GNAT3: variants seen among roughly 807,000 people sequenced by gnomAD.
The protein encoded by GNAT3 is guanine nucleotide-binding protein G(t) subunit alpha-3.
GNAT3 carries 31 observed loss-of-function variants against 37.7 expected under a neutral mutation model. The observed-to-expected ratio is 0.82, with a 90% CI of 0.62 to 1.11. GNAT3 has a LOEUF of 1.11. Ranked by LOEUF, GNAT3 falls within the 50% of genes most tolerant of loss-of-function variation. GNAT3 has a pLI of 0.00. For synonymous variants in GNAT3, 138 were observed against 139.8 expected, an observed-to-expected ratio of 0.99 and a Z score of 0.09; for missense variants, 437 against 412.5, an observed-to-expected ratio of 1.06 and a Z score of -0.51.
chr7:80,463,592 T>C (rs1185702382), intron 5 of GNAT3, among the ~76,000 whole-genome samples: 3 of 151,966 alleles, frequency 2.0e-5, no homozygotes, highest in Non-Finnish European at 4.4e-5. Flanking sequence ...CCATTTACCT[T>C]CTATAGCATC....
At chr7:80,489,107 T>C (rs1161513448) in intron 2 of GNAT3, among the ~76,000 whole-genome samples, 1 of 152,118 alleles carries the variant, frequency 6.6e-6, no homozygotes, top group African/African-American at 2.4e-5. Flanking sequence ...CCTATCATGC[T>C]GAAAAATAGG....
At chr7:80,482,027 A>C (rs1046638793) in intron 3 of GNAT3, among the ~76,000 whole-genome samples, 6 of 152,162 alleles carry the variant, frequency 3.9e-5, no homozygotes, top group Admixed American at 3.9e-4. Context: ...AATGTATAAA[A>C]TCAGGCAATA....
intron 3 of GNAT3, among the ~76,000 whole-genome samples, chr7:80,479,929 A>G (rs1790365823): frequency 6.6e-6 from 1 of 152,116 alleles, no homozygotes; most frequent in South Asian, 2.1e-4. Flanking sequence ...TCAGTAGGAC[A>G]GAGGTGAGAG....
At chr7:80,459,341 G>A (rs1790010449) in intron 7 of GNAT3, among the ~76,000 whole-genome samples, 1 of 152,076 alleles carries the variant, frequency 6.6e-6, no homozygotes, top group African/African-American at 2.4e-5. Context: ...TTGAGGGTAG[G>A]GTCGGGAAAC....
At chr7:80,490,943 G>A (rs771140163) in intron 2 of GNAT3, among the ~76,000 whole-genome samples, 1 of 152,110 alleles carries the variant, frequency 6.6e-6, no homozygotes, top group African/African-American at 2.4e-5. Context: ...CAGGACAGGA[G>A]GATGAAGACA....
chr7:80,497,599 TAC>T (rs55772109), intron 1 of GNAT3, among the ~76,000 whole-genome samples: 3 of 119,910 alleles, frequency 2.5e-5, no homozygotes, highest in African/African-American at 1.4e-4. Flanking sequence ...TATACGTATA[TAC>T]ATATACGTAT....
Position 80,511,793 on chromosome 7 carries a change from A to G in GNAT3, c.118+16T>C. The G allele has an allele frequency of 4.5e-6, 7 of 1,541,788 alleles. No homozygotes were observed. Among genetic ancestry groups the G allele is most frequent in the Non-Finnish European group, 6.2e-6 (7 of 1,121,006 alleles). On this transcript the variant is annotated intron_variant, in intron 1 of 7. Coordinates refer to ENST00000398291, the MANE Select transcript of GNAT3 (RefSeq NM_001102386.3). The stretch of plus-strand genomic sequence containing the variant: ...AAAAAGTCAGGTTTTTGAAAGCAAA[A>G]GGGAAAAGAAATTACCTAATAGTAG...
intron 5 of GNAT3, among the ~76,000 whole-genome samples, chr7:80,463,797 G>A (rs1469246211): frequency 6.6e-6 from 1 of 150,562 alleles, no homozygotes; most frequent in Non-Finnish European, 1.5e-5. Context: ...GAATAGAGAG[G>A]CAGGAAACAC....
intron 7 of GNAT3, among the ~76,000 whole-genome samples, chr7:80,460,996 T>C (rs1045125109): frequency 1.4e-5 from 2 of 143,316 alleles, no homozygotes; most frequent in East Asian, 4.3e-4. Flanking sequence ...ATATAAAACC[T>C]TTAATTATGA....
At chr7:80,482,126 T>G (rs1028796997) in intron 3 of GNAT3, among the ~76,000 whole-genome samples, 1 of 152,158 alleles carries the variant, frequency 6.6e-6, no homozygotes, top group Non-Finnish European at 1.5e-5. Context: ...ATAAATCTCT[T>G]CAAGTATTTT....
At chr7:80,490,269 A>G (rs546595211) in intron 2 of GNAT3, among the ~76,000 whole-genome samples, 6 of 152,332 alleles carry the variant, frequency 3.9e-5, no homozygotes, top group South Asian at 4.1e-4. Context: ...CAATCACACT[A>G]TCAACATTTC....
chr7:80,490,253 G>A (rs1157828402), intron 2 of GNAT3, among the ~76,000 whole-genome samples: 2 of 152,096 alleles, frequency 1.3e-5, no homozygotes, highest in Admixed American at 1.3e-4. Flanking sequence ...TAAAAATTTA[G>A]TTTCTCAATC....
intron 5 of GNAT3, among the ~76,000 whole-genome samples, chr7:80,467,281 A>G (rs1228194760): frequency 2.0e-5 from 3 of 152,126 alleles, no homozygotes; most frequent in African/African-American, 7.2e-5. Flanking sequence ...CTTAGGTTGA[A>G]TGCTTATAAT....
intron 4 of GNAT3, among the ~76,000 whole-genome samples, chr7:80,477,056 C>A (rs1790316044): frequency 1.3e-5 from 2 of 151,958 alleles, no homozygotes; most frequent in African/African-American, 4.8e-5. Context: ...ACTTGATGAA[C>A]AGATTTAAAA....
intron 4 of GNAT3, 56 bp downstream of exon 4, chr7:80,478,785 T>C: frequency 6.5e-7 from 1 of 1,531,926 alleles, no homozygotes; most frequent in Non-Finnish European, 9.0e-7. Flanking sequence ...TGCAGAATTA[T>C]AATTCTTAAT....
chr7:80,459,710 G>A (rs1790017327), intron 7 of GNAT3, among the ~76,000 whole-genome samples: 1 of 152,158 alleles, frequency 6.6e-6, no homozygotes. Context: ...ACACAGAATA[G>A]AGCAGTAGCA....
In GNAT3 at chr7:80,478,989, G is replaced by A. The variant is rs200422530; in HGVS notation, c.313C>T (p.Arg105Ter). ...YVNPRSAEDQ[R>*]QLYAMANTLE... ...GTATTTGCCATTGCATAAAGTTGTCGTTGGTCCTCCTAGAACAATATTTTG... is the reference window on the plus strand; with the variant it reads ...GTATTTGCCATTGCATAAAGTTGTCATTGGTCCTCCTAGAACAATATTTTG... The change falls in exon 4 of 8, where the codon CGA (arginine) becomes TGA (stop). Residue 105 changes from arginine (R) to a stop codon, truncating the protein, a stop_gained. Coordinates refer to ENST00000398291, the MANE Select transcript of GNAT3 (RefSeq NM_001102386.3). LOFTEE classifies it high-confidence loss of function. 80 of 1,606,838 alleles carry A rather than the reference G, an allele frequency of 5.0e-5. No individual in the cohort carries two copies. Among genetic ancestry groups the A allele is most frequent in the Middle Eastern group, 5.0e-4 (3 of 6,038 alleles).
At position 80,511,791 on chromosome 7, in the gene GNAT3, A is replaced by G; in HGVS notation, c.118+18T>C. On this transcript the variant is annotated intron_variant, in intron 1 of 7. Transcript: ENST00000398291. ...AAAAAAAGTCAGGTTTTTGAAAGCA[A>G]AAGGGAAAAGAAATTACCTAATAGT... is the stretch of plus-strand genomic sequence containing the variant. 1 of 1,537,770 alleles carries G rather than the reference A, an allele frequency of 6.5e-7. No homozygotes were observed. The highest frequency in any genetic ancestry group is 1.4e-5 in the African/African-American group (1 of 73,604).
intron 3 of GNAT3, among the ~76,000 whole-genome samples, chr7:80,480,298 A>G (rs908829535): frequency 3.3e-5 from 5 of 152,172 alleles, no homozygotes; most frequent in African/African-American, 1.2e-4. Context: ...CATGAGATAG[A>G]CACTATATTT....
Sources: allele counts gnomAD v4.1 joint callset (sites outside exome capture counted in the v4.1 genomes callset), GRCh38; gene constraint gnomAD v4.1.1; transcripts MANE v1.5; gene names NCBI Gene and HGNC (gene_info 2026-07-23, HGNC 2026-07-21).